Variants in RTN1 observed in about 807,000 individuals in gnomAD.
RTN1 encodes the protein reticulon-1.
Under a neutral mutation model 65.5 loss-of-function variants are expected in RTN1, and 25 were observed. The observed-to-expected ratio is 0.38, with a 90% CI of 0.28 to 0.53. RTN1 has a LOEUF of 0.53. RTN1 is among the 20% of genes least tolerant of loss of function. The probability of loss-of-function intolerance (pLI) is 0.79; values close to 1 mark genes in which losing one functional copy is unlikely to be tolerated. For synonymous variants in RTN1, 471 were observed against 447.6 expected (o/e 1.05, Z -0.66); for missense variants, 983 against 1,025.4 (o/e 0.96, Z 0.57).
At chr14:59,850,638 G>A (rs536931550) in intron 1 of RTN1, among the ~76,000 whole-genome samples, 1 of 152,312 alleles carries the variant, frequency 6.6e-6, no homozygotes, top group South Asian at 2.1e-4. Context: ...TGTAAAAATG[G>A]GGGTCACTCA....
In RTN1 at chr14:59,745,841, G is replaced by A. The variant is rs544469558; in HGVS notation, c.882C>T (p.Thr294=). 165 of 1,614,068 alleles carry A rather than the reference G, an allele frequency of 1.0e-4. No individual in the cohort carries two copies. Among genetic ancestry groups the A allele is most frequent in the Admixed American group, 6.0e-4 (36 of 60,012 alleles). ...TCTCAGGGGTCTTCTCTTGGGTAGT[G>A]GTTTCAACAGAAGGTTCTATTTCCG... ...TLTEIEPSVE[T]TTQEKTPEKQ... The change falls in exon 2 of 9, where the codon ACC becomes ACT. Residue 294 remains threonine, a synonymous_variant. Transcript: ENST00000267484.
At chr14:59,693,806 A>G (rs1157203267) in intron 3 of RTN1, among the ~76,000 whole-genome samples, 1 of 152,190 alleles carries the variant, frequency 6.6e-6, no homozygotes, top group Admixed American at 6.6e-5. Context: ...GTTTTGTCTT[A>G]TCATGTTTGA....
chr14:59,650,948 A>G (rs1483449302), intron 3 of RTN1, among the ~76,000 whole-genome samples: 1 of 152,112 alleles, frequency 6.6e-6, no homozygotes, highest in African/African-American at 2.4e-5. Context: ...AGTTGGATGG[A>G]TCACCCGAGG....
At chr14:59,842,145 GAAAA>G (rs747807111) in intron 1 of RTN1, among the ~76,000 whole-genome samples, 1 of 124,314 alleles carries the variant, frequency 8.0e-6, no homozygotes, top group Admixed American at 8.1e-5. Context: ...TTTTAAAAAA[GAAAA>G]AAAAAAAAGA....
At position 59,595,991 on chromosome 14, in the gene RTN1, G is replaced by A. The variant is rs1314006902; in HGVS notation, c.*754C>T. The A allele has an allele frequency of 1.3e-5, 2 of 152,574 alleles. No individual in the cohort carries two copies. Among genetic ancestry groups the A allele is most frequent in the Non-Finnish European group, 2.9e-5 (2 of 68,040 alleles). 9.5% of individuals were successfully genotyped at this position (152,574 alleles called of 1,614,324 possible). A position where few individuals can be genotyped will look rare whatever the true frequency, so the allele number is the denominator to read the frequency against. On this transcript the variant is annotated 3_prime_UTR_variant, in exon 9 of 9. Coordinates refer to ENST00000267484, the MANE Select transcript of RTN1 (RefSeq NM_021136.3). ...AGAGAGGGAGAACATTCTACATTTA[G>A]TAACATTTATTTATGCATTCAGTAT...
chr14:59,768,518 C>T (rs545930340), intron 1 of RTN1, among the ~76,000 whole-genome samples: 2 of 152,216 alleles, frequency 1.3e-5, no homozygotes, highest in South Asian at 2.1e-4. Context: ...TTGATCTGGT[C>T]GTTGCTACCA....
intron 3 of RTN1, among the ~76,000 whole-genome samples, chr14:59,613,380 C>T (rs1348255347): frequency 1.3e-5 from 2 of 152,130 alleles, no homozygotes; most frequent in African/African-American, 4.8e-5. Flanking sequence ...CTCATTGCAA[C>T]CTCTGTCCCC....
At chr14:59,822,189 CTTG>C (rs1886955258) in intron 1 of RTN1, among the ~76,000 whole-genome samples, 1 of 152,112 alleles carries the variant, frequency 6.6e-6, no homozygotes, top group South Asian at 2.1e-4. Context: ...AGTTTTGAAA[CTTG>C]TTATTGGTCT....
chr14:59,690,019 T>C (rs1421093011), intron 3 of RTN1, among the ~76,000 whole-genome samples: 2 of 151,856 alleles, frequency 1.3e-5, no homozygotes, highest in Non-Finnish European at 2.9e-5. Flanking sequence ...GATCTTGTTA[T>C]GTTGAACAGG....
At chr14:59,792,339 G>C (rs1189493372) in intron 1 of RTN1, among the ~76,000 whole-genome samples, 1 of 142,076 alleles carries the variant, frequency 7.0e-6, no homozygotes, top group Non-Finnish European at 1.5e-5. Context: ...AATTCAGTCT[G>C]AGAGAAAAGA....
intron 3 of RTN1, among the ~76,000 whole-genome samples, chr14:59,662,963 A>C (rs564196592): frequency 6.6e-6 from 1 of 152,298 alleles, no homozygotes; most frequent in East Asian, 1.9e-4. Context: ...AGCCAAGACA[A>C]TCCTAAGTAA....
rs1886336624 is a variant in RTN1 at position 59,790,945 on chromosome 14, A to G, written c.242-44464T>C. On this transcript the variant is annotated intron_variant, in intron 1 of 8. Transcript: ENST00000267484. This position sits in a 1 kb window ranked among gnomAD's most constrained non-coding sequence, Gnocchi z 4.1. ...GCCTATCTTCTCCTATCTATTTCTA[A>G]TTATTTATTACTTTGGTAGCAATAT... Among the ~76,000 whole-genome samples the G allele has an allele frequency of 6.6e-6, 1 of 151,836 alleles. No homozygotes were observed. The highest frequency in any genetic ancestry group is 2.4e-5 in the African/African-American group (1 of 41,320).
intron 3 of RTN1, among the ~76,000 whole-genome samples, chr14:59,659,413 A>G (rs1215025820): frequency 6.6e-6 from 1 of 152,154 alleles, no homozygotes; most frequent in Non-Finnish European, 1.5e-5. Context: ...ATTCTTGAGA[A>G]GAGCAACCCC....
At chr14:59,808,038 T>C (rs190450436) in intron 1 of RTN1, among the ~76,000 whole-genome samples, 4 of 152,338 alleles carry the variant, frequency 2.6e-5, no homozygotes, top group African/African-American at 9.6e-5. Flanking sequence ...AAATTATCTC[T>C]CTTCCTCATT....
chr14:59,660,273 T>G (rs1275345062), intron 3 of RTN1, among the ~76,000 whole-genome samples: 1 of 152,100 alleles, frequency 6.6e-6, no homozygotes, highest in Non-Finnish European at 1.5e-5. Flanking sequence ...AGACTTAGAC[T>G]CCCACACAAT....
At chr14:59,643,146 T>C (rs1408367867) in intron 3 of RTN1, among the ~76,000 whole-genome samples, 2 of 152,154 alleles carry the variant, frequency 1.3e-5, no homozygotes, top group African/African-American at 4.8e-5. Context: ...TGGTGGATCA[T>C]TCCTGTAATC....
chr14:59,737,913 A>G (rs557802436), intron 2 of RTN1, among the ~76,000 whole-genome samples: 1 of 152,368 alleles, frequency 6.6e-6, no homozygotes, highest in South Asian at 2.1e-4. Context: ...CAATGGGGAA[A>G]GAATTCCCTA....
chr14:59,655,233 G>C (rs1162516711), intron 3 of RTN1, among the ~76,000 whole-genome samples: 3 of 152,032 alleles, frequency 2.0e-5, no homozygotes, highest in Non-Finnish European at 4.4e-5. Context: ...AAAATACTTA[G>C]GAATAAATTT....
intron 1 of RTN1, among the ~76,000 whole-genome samples, chr14:59,864,035 C>T (rs767049003): frequency 6.6e-6 from 1 of 152,164 alleles, no homozygotes; most frequent in African/African-American, 2.4e-5. Flanking sequence ...ACCACCACCC[C>T]CATGTTAGAT....
Sources: gnomAD v4.1 joint callset for allele counts (sites outside exome capture counted in the v4.1 genomes callset) on GRCh38, gnomAD v4.1.1 for gene constraint, Gnocchi (gnomAD v3.1) non-coding constraint, MANE v1.5 for transcripts, NCBI Gene and HGNC (gene_info 2026-07-23, HGNC 2026-07-21) for gene names.